Variants in C9orf85 observed in about 807,000 individuals in gnomAD.
C9orf85 encodes chromosome 9 open reading frame 85.
A neutral mutation model predicts 14.9 loss-of-function variants in C9orf85; 16 were observed. The observed-to-expected ratio is 1.08, with a 90% CI of 0.73 to 1.63. C9orf85 has a LOEUF of 1.63. Among genes scored for constraint, C9orf85 ranks in the 40% most tolerant of loss-of-function variants. The pLI is 0.00. For missense variants in C9orf85, 172 were observed against 186.1 expected (o/e 0.92, Z 0.44); for synonymous variants, 45 against 56.8 (o/e 0.79, Z 0.93).
rs111898603 is a variant in C9orf85 at position 71,936,618 on chromosome 9, C to T, written c.103-10388C>T. ...TTGAGTTATTATTTACTACGAGTGA[C>T]TCATAGTTAATAATGAAGATAGTTC... On this transcript the variant is annotated intron_variant, in intron 1 of 3. Coordinates refer to ENST00000334731, the MANE Select transcript of C9orf85 (RefSeq NM_182505.5). 3.7e-3 allele frequency among the ~76,000 whole-genome samples: 569 copies of T among 152,182 alleles called. 3 individuals are homozygous for T. The highest frequency in any genetic ancestry group is 0.014 in the Middle Eastern group (4 of 294).
rs747596247 is a variant in C9orf85 at position 71,930,803 on chromosome 9, CAAAAAAA to C, written c.103-16185_103-16179del. Among the ~76,000 whole-genome samples, 9 of 61,036 alleles carry C rather than the reference CAAAAAAA, an allele frequency of 1.5e-4. No individual in the cohort carries two copies. The East Asian group carries it at 2.9e-3, about 20-fold the overall frequency. 40.0% of individuals were successfully genotyped at this position (61,036 alleles called of 152,430 possible). A position where few individuals can be genotyped will look rare whatever the true frequency, so the allele number is the denominator to read the frequency against. On this transcript the variant is annotated intron_variant, in intron 1 of 3. Coordinates refer to ENST00000334731, the MANE Select transcript of C9orf85 (RefSeq NM_182505.5). ...TGGGTGACAGAGCAAGACCCTGTCT[CAAAAAAA>C]AAAAAAAAAAAAAAAAAGACACAAA... is the stretch of plus-strand genomic sequence containing the variant.
chr9:71,958,865 C>T (rs1822442373), intron 2 of C9orf85, among the ~76,000 whole-genome samples: 1 of 152,148 alleles, frequency 6.6e-6, no homozygotes, highest in South Asian at 2.1e-4. Flanking sequence ...TCTAAGCCCC[C>T]ATTCTTTCTA....
rs536862116 is a variant in C9orf85 at position 71,967,303 on chromosome 9, T to C, written c.210-4202T>C. 2.0e-5 allele frequency among the ~76,000 whole-genome samples: 3 copies of C among 152,332 alleles called. 1 individual carries two copies. In the East Asian group the frequency reaches 5.8e-4, roughly 29 times the overall value. Reference sequence around the variant, plus strand: ...TGTCTTTTCTCTATTCAGTTTCCTTTCTACTATCTTGAAAATCAGTTGGTC... The same window carrying C: ...TGTCTTTTCTCTATTCAGTTTCCTTCCTACTATCTTGAAAATCAGTTGGTC... On this transcript the variant is annotated intron_variant, in intron 2 of 3. Transcript: ENST00000334731.
chr9:71,926,611 A>G (rs1487869857), intron 1 of C9orf85, among the ~76,000 whole-genome samples: 1 of 144,456 alleles, frequency 6.9e-6, no homozygotes, highest in African/African-American at 2.6e-5. Flanking sequence ...TTCAAAGTCC[A>G]AAAACCAGCA....
At chr9:71,974,295 G>A (rs1336323661), downstream of C9orf85, among the ~76,000 whole-genome samples, 4 of 149,426 alleles carry the variant, frequency 2.7e-5, no homozygotes, top group Non-Finnish European at 4.4e-5. Flanking sequence ...CCCAGGTAGA[G>A]TGCAGTGGCA....
chr9:71,924,533 A>G (rs991755488), intron 1 of C9orf85, among the ~76,000 whole-genome samples: 1 of 152,182 alleles, frequency 6.6e-6, no homozygotes, highest in Non-Finnish European at 1.5e-5. Flanking sequence ...GTAGAATTCA[A>G]TTACAACTTT....
At chr9:71,930,129 T>G (rs935250045) in intron 1 of C9orf85, among the ~76,000 whole-genome samples, 4 of 152,082 alleles carry the variant, frequency 2.6e-5, no homozygotes, top group Non-Finnish European at 4.4e-5. Flanking sequence ...AACCAAAAGA[T>G]TTATTTTATA....
chr9:71,927,227 A>T (rs1827951515), intron 1 of C9orf85, among the ~76,000 whole-genome samples: 1 of 150,532 alleles, frequency 6.6e-6, no homozygotes, highest in African/African-American at 2.4e-5. Context: ...TGGCTCGCTC[A>T]TATGTCAGGG....
intron 1 of C9orf85, among the ~76,000 whole-genome samples, chr9:71,928,186 C>CAA (rs58238164): frequency 9.4e-5 from 7 of 74,278 alleles, no homozygotes; most frequent in African/African-American, 3.4e-4. Flanking sequence ...GGCTCTGTCT[C>CAA]AAAAAAAAAA....
intron 1 of C9orf85, among the ~76,000 whole-genome samples, chr9:71,925,106 A>G (rs1406895042): frequency 6.6e-6 from 1 of 152,234 alleles, no homozygotes; most frequent in Non-Finnish European, 1.5e-5. Flanking sequence ...TCTAATTTTA[A>G]TGTGTCTCTA....
At chr9:71,940,220 G>T (rs7853995) in intron 1 of C9orf85, among the ~76,000 whole-genome samples, 1,830 of 151,462 alleles carry the variant, frequency 0.012, 32 homozygotes, top group African/African-American at 0.042. Context: ...ATAAGAAAAT[G>T]AACAATTTAA....
intron 1 of C9orf85, among the ~76,000 whole-genome samples, chr9:71,912,348 T>C (rs1189700028): frequency 6.6e-6 from 1 of 152,206 alleles, no homozygotes; most frequent in Non-Finnish European, 1.5e-5. Context: ...TTGGTTAATG[T>C]AAAAATACTT....
At chr9:71,954,566 C>T (rs1363292037) in intron 2 of C9orf85, among the ~76,000 whole-genome samples, 2 of 152,082 alleles carry the variant, frequency 1.3e-5, no homozygotes, top group Admixed American at 1.3e-4. Context: ...CATGTCTTTG[C>T]TTTTTAGACC....
rs1462960551 is a variant in C9orf85 at position 71,968,099 on chromosome 9, TATAG to T, written c.210-3404_210-3401del. Among the ~76,000 whole-genome samples, 59 of 130,520 alleles carry T rather than the reference TATAG, an allele frequency of 4.5e-4. No individual in the cohort carries two copies. In the East Asian group the frequency reaches 0.011, roughly 24 times the overall value. The allele number at this position is 130,520 out of a possible 152,430, so 85.6% of individuals were successfully genotyped here. ...AAATCCATTGCTGCATATATATATA[TATAG>T]AGAGAGAGAGAGAGAGTGCATGCAA... On this transcript the variant is annotated intron_variant, in intron 2 of 3. Coordinates refer to ENST00000334731, the MANE Select transcript of C9orf85 (RefSeq NM_182505.5).
At chr9:71,960,164 A>G (rs1259798253) in intron 2 of C9orf85, among the ~76,000 whole-genome samples, 1 of 152,224 alleles carries the variant, frequency 6.6e-6, no homozygotes, top group Admixed American at 6.5e-5. Flanking sequence ...ACTTAAAGGT[A>G]GAAGAGTGGT....
At chr9:71,917,016 A>G (rs959808984) in intron 1 of C9orf85, among the ~76,000 whole-genome samples, 1 of 152,262 alleles carries the variant, frequency 6.6e-6, no homozygotes, top group Non-Finnish European at 1.5e-5. Flanking sequence ...ATTAGGGCTT[A>G]GAGGTGAATG....
intron 1 of C9orf85, among the ~76,000 whole-genome samples, chr9:71,927,721 T>C (rs750665467): frequency 6.6e-6 from 1 of 152,196 alleles, no homozygotes; most frequent in Non-Finnish European, 1.5e-5. Context: ...GATAAAAAGC[T>C]TAAAATTAAA....
At chr9:71,949,112 T>C (rs949205186) in intron 2 of C9orf85, among the ~76,000 whole-genome samples, 1 of 152,238 alleles carries the variant, frequency 6.6e-6, no homozygotes, top group African/African-American at 2.4e-5. Flanking sequence ...TTCAACAAGT[T>C]TTTATTCCTA....
chr9:71,935,949 C>T (rs1193681348), intron 1 of C9orf85, among the ~76,000 whole-genome samples: 1 of 151,864 alleles, frequency 6.6e-6, no homozygotes, highest in African/African-American at 2.4e-5. Context: ...CTCACTCCCT[C>T]CGTCTTTACT....
Sources: allele counts gnomAD v4.1 joint callset (sites outside exome capture counted in the v4.1 genomes callset), GRCh38; gene constraint gnomAD v4.1.1; transcripts MANE v1.5; gene names NCBI Gene and HGNC (gene_info 2026-07-23, HGNC 2026-07-21).